Variants in ERC2 observed in about 807,000 individuals in gnomAD.
The protein encoded by ERC2 is ERC protein 2.
Under a neutral mutation model 114.8 loss-of-function variants are expected in ERC2, and 42 were observed. That is an observed-to-expected ratio of 0.37 (90% CI 0.29 to 0.47). The LOEUF (loss-of-function observed/expected upper bound fraction) is 0.47, where lower values mean the gene tolerates loss of function less well. Ranked by LOEUF, ERC2 falls within the 20% of genes least tolerant of loss-of-function variation. The pLI is 0.99. For missense variants in ERC2, 939 were observed against 1,150.7 expected (o/e 0.82, Z 2.66); for synonymous variants, 454 against 425.5 (o/e 1.07, Z -0.82).
chr3:56,434,825 G>A lies in ERC2; in HGVS notation c.183C>T (p.Pro61=), dbSNP rs763391237. The A allele has an allele frequency of 3.1e-6, 5 of 1,613,780 alleles. No individual in the cohort carries two copies. The African/African-American group carries it at 4.0e-5, about 13-fold the overall frequency. ...SLNAAYATSG[P]MYLSDHEGVA... The stretch of plus-strand genomic sequence containing the variant: ...CCCCTTCATGATCACTCAGATACAT[G>A]GGTCCAGACGTAGCATAGGCTGCAT... The change falls in exon 2 of 18, where the codon CCC becomes CCT. Residue 61 remains proline (P), a synonymous_variant. Coordinates refer to ENST00000288221, the MANE Select transcript of ERC2 (RefSeq NM_015576.3).
At chr3:56,351,275 CAG>C (rs921002038) in intron 2 of ERC2, among the ~76,000 whole-genome samples, 1 of 152,038 alleles carries the variant, frequency 6.6e-6, no homozygotes, top group East Asian at 1.9e-4. Flanking sequence ...CCCCTTGTAA[CAG>C]AACACTGCGA....
chr3:55,745,558 T>C (rs1409574961), intron 14 of ERC2, among the ~76,000 whole-genome samples: 3 of 152,200 alleles, frequency 2.0e-5, no homozygotes, highest in Non-Finnish European at 4.4e-5. Context: ...TCCCGTTCAG[T>C]AATAAGAAAG....
intron 17 of ERC2, among the ~76,000 whole-genome samples, chr3:55,559,049 T>A (rs907828332): frequency 3.9e-5 from 6 of 152,230 alleles, no homozygotes; most frequent in African/African-American, 1.2e-4. Flanking sequence ...AGCCCTCACC[T>A]TGGGATTTAC....
intron 2 of ERC2, among the ~76,000 whole-genome samples, chr3:56,351,619 GT>G (rs1195342136): frequency 6.6e-6 from 1 of 152,242 alleles, no homozygotes; most frequent in African/African-American, 2.4e-5. Flanking sequence ...AGTGACAGAT[GT>G]GAAGAGGAAG....
intron 17 of ERC2, among the ~76,000 whole-genome samples, chr3:55,517,927 A>G (rs1306576175): frequency 6.6e-6 from 1 of 152,254 alleles, no homozygotes; most frequent in Non-Finnish European, 1.5e-5. Context: ...ACCTTCTTTA[A>G]CAGGAGAGAC....
At chr3:55,986,080 G>T in intron 11 of ERC2, 92 bp from the exon 12 acceptor site, 1 of 1,202,488 alleles carries the variant, frequency 8.3e-7, no homozygotes, top group Non-Finnish European at 1.2e-6. Flanking sequence ...AAATGCATTA[G>T]TTTTAAACAT....
chr3:55,990,954 G>C (rs2071016272), intron 11 of ERC2, among the ~76,000 whole-genome samples: 1 of 152,170 alleles, frequency 6.6e-6, no homozygotes, highest in Admixed American at 6.5e-5. Flanking sequence ...AATTAGCCAG[G>C]TGTAGTGGCG....
chr3:56,423,952 G>T (rs1340661175), intron 2 of ERC2, among the ~76,000 whole-genome samples: 1 of 152,110 alleles, frequency 6.6e-6, no homozygotes, highest in Non-Finnish European at 1.5e-5. Context: ...GATGTCAATG[G>T]ACTCCGAAAC....
intron 13 of ERC2, among the ~76,000 whole-genome samples, chr3:55,889,987 A>T (rs950794975): frequency 5.3e-5 from 8 of 152,244 alleles, no homozygotes; most frequent in Admixed American, 1.3e-4. Context: ...CTGAATGATC[A>T]TGTAGTTTAA....
chr3:55,699,482 T>A lies in ERC2; in HGVS notation c.2743A>T (p.Asn915Tyr), dbSNP rs1415883186. 6.2e-7 allele frequency: 1 copy of A among 1,613,130 alleles called. No individual in the cohort carries two copies. The highest frequency in any genetic ancestry group is 8.5e-7 in the Non-Finnish European group (1 of 1,179,376). ...TQNRMKLMADNYDDDHHHYHH... is the reference protein window; with the variant it reads ...TQNRMKLMADYYDDDHHHYHH... ...TAATGGTGATGGTCATCATCATAGT[T>A]GTCTGCCATCAACTTCATTCTGTTC... Residue 915 changes from asparagine to tyrosine, a missense_variant, in exon 16 of 18, where the codon AAC becomes TAC. Transcript: ENST00000288221.
At chr3:56,399,062 C>G (rs531223717) in intron 2 of ERC2, among the ~76,000 whole-genome samples, 7 of 152,294 alleles carry the variant, frequency 4.6e-5, no homozygotes, top group African/African-American at 1.2e-4. Context: ...TGAGGTGGAG[C>G]CAACAAAGCA....
At chr3:56,199,556 G>T (rs112814705) in intron 3 of ERC2, among the ~76,000 whole-genome samples, 11 of 152,086 alleles carry the variant, frequency 7.2e-5, no homozygotes, top group African/African-American at 2.7e-4. Context: ...CACCCAGGCT[G>T]GAGTGGAGGG....
intron 6 of ERC2, among the ~76,000 whole-genome samples, chr3:56,108,879 G>A (rs1477764131): frequency 6.6e-6 from 1 of 151,926 alleles, no homozygotes; most frequent in Non-Finnish European, 1.5e-5. Flanking sequence ...CCCAAACAGA[G>A]CCAATGATAG....
At chr3:55,793,420 C>T (rs2149082156) in intron 14 of ERC2, among the ~76,000 whole-genome samples, 1 of 152,266 alleles carries the variant, frequency 6.6e-6, no homozygotes, top group East Asian at 1.9e-4. Flanking sequence ...GACTTATAGT[C>T]ACTGCAGGAC....
chr3:55,829,318 G>C (rs2060470462), intron 14 of ERC2, among the ~76,000 whole-genome samples: 1 of 152,090 alleles, frequency 6.6e-6, no homozygotes, highest in South Asian at 2.1e-4. Flanking sequence ...TAAATGGAAA[G>C]ATCGATCTCA....
At chr3:55,659,387 T>G (rs2061019100) in intron 17 of ERC2, 2 of 152,192 alleles carry the variant, frequency 1.3e-5, no homozygotes, top group Admixed American at 1.3e-4. Flanking sequence ...CATCCTGGGC[T>G]CCCTTCTCTC....
chr3:55,649,258 ATT>A (rs56806592), intron 17 of ERC2, among the ~76,000 whole-genome samples: 5,287 of 119,170 alleles, frequency 0.044, 252 homozygotes, highest in African/African-American at 0.14. Context: ...CCAACGCTGA[ATT>A]TTTTTTTTTT....
chr3:55,561,733 G>A (rs1559656506), intron 17 of ERC2, among the ~76,000 whole-genome samples: 5 of 152,034 alleles, frequency 3.3e-5, no homozygotes. Context: ...AATTTACTCT[G>A]GGAAACTATC....
At chr3:56,371,831 C>G (rs1374216213) in intron 2 of ERC2, among the ~76,000 whole-genome samples, 1 of 152,240 alleles carries the variant, frequency 6.6e-6, no homozygotes, top group East Asian at 1.9e-4. Flanking sequence ...ATGCCATCAC[C>G]CTCAGCAAGC....
Sources: gnomAD v4.1 joint callset for allele counts (sites outside exome capture counted in the v4.1 genomes callset) on GRCh38, gnomAD v4.1.1 for gene constraint, MANE v1.5 for transcripts, NCBI Gene and HGNC (gene_info 2026-07-23, HGNC 2026-07-21) for gene names.